Variants in NKAIN3 observed in about 807,000 individuals in gnomAD.
NKAIN3 encodes the protein sodium/potassium-transporting ATPase subunit beta-1-interacting protein 3.
Under a neutral mutation model 30.2 loss-of-function variants are expected in NKAIN3, and 25 were observed. That is an observed-to-expected ratio of 0.83 (90% CI 0.60 to 1.16). The LOEUF (loss-of-function observed/expected upper bound fraction) is 1.16. NKAIN3 is among the 50% of genes most tolerant of loss of function. The pLI is 0.00. For missense variants in NKAIN3, 225 were observed against 254.1 expected, an observed-to-expected ratio of 0.89 and a Z score of 0.78; for synonymous variants, 91 against 89.6, an observed-to-expected ratio of 1.02 and a Z score of -0.09.
intron 4 of NKAIN3, among the ~76,000 whole-genome samples, chr8:62,808,719 A>G (rs925541779): frequency 2.0e-5 from 3 of 152,170 alleles, no homozygotes; most frequent in African/African-American, 7.2e-5. Flanking sequence ...TCACAAGGCA[A>G]TAAAAAATAT....
At chr8:62,552,669 C>T (rs556829848) in intron 1 of NKAIN3, among the ~76,000 whole-genome samples, 2 of 152,286 alleles carry the variant, frequency 1.3e-5, no homozygotes, top group South Asian at 4.1e-4. Context: ...TGTACACTTT[C>T]AGTTGCCAGC....
chr8:62,613,899 G>C (rs1487807847), intron 3 of NKAIN3, among the ~76,000 whole-genome samples: 2 of 151,900 alleles, frequency 1.3e-5, no homozygotes, highest in African/African-American at 2.4e-5. Context: ...TAAATTTATT[G>C]ATAGAATTCT....
rs549392027 is a variant in NKAIN3 at position 62,804,339 on chromosome 8, C to A, written c.471+57210C>A. Among the ~76,000 whole-genome samples, 448 of 152,218 alleles carry A rather than the reference C, an allele frequency of 2.9e-3. 1 individual carries two copies. Among genetic ancestry groups the A allele is most frequent in the African/African-American group, 0.01 (426 of 41,542 alleles). On this transcript the variant is annotated intron_variant, in intron 4 of 6. Transcript: ENST00000623646. ...AGAGAATACCAAAGCCTGGCAGAGA[C>A]ACAACCAAAAAAGAGAATTTTAGAC... is the stretch of plus-strand genomic sequence containing the variant.
chr8:62,740,473 A>G (rs1450649052), intron 3 of NKAIN3, among the ~76,000 whole-genome samples: 1 of 152,156 alleles, frequency 6.6e-6, no homozygotes. Flanking sequence ...CAAAAAAATG[A>G]TTATTGTTAG....
At chr8:62,627,846 T>A (rs797011795) in intron 3 of NKAIN3, among the ~76,000 whole-genome samples, 28 of 152,212 alleles carry the variant, frequency 1.8e-4, no homozygotes, top group African/African-American at 6.0e-4. Flanking sequence ...TTCTACCCCT[T>A]ACTGGCCATG....
intron 1 of NKAIN3, among the ~76,000 whole-genome samples, chr8:62,527,117 G>A (rs548580438): frequency 6.6e-6 from 1 of 152,304 alleles, no homozygotes; most frequent in South Asian, 2.1e-4. Flanking sequence ...AGAGAGAGGA[G>A]CTCATGACAG....
chr8:62,795,481 C>T (rs754085486), intron 4 of NKAIN3, among the ~76,000 whole-genome samples: 13 of 152,092 alleles, frequency 8.5e-5, no homozygotes, highest in Admixed American at 7.2e-4. Flanking sequence ...CAAAAGGCAC[C>T]AACCCATCCT....
intron 5 of NKAIN3, chr8:62,991,144 G>C (rs1383513376): frequency 6.6e-6 from 1 of 152,372 alleles, no homozygotes; most frequent in East Asian, 1.9e-4. Context: ...CTGTGGTTGA[G>C]CCTAGTAAGT....
At chr8:62,515,088 CCTT>C (rs1412774575) in intron 1 of NKAIN3, among the ~76,000 whole-genome samples, 1 of 152,080 alleles carries the variant, frequency 6.6e-6, no homozygotes, top group Non-Finnish European at 1.5e-5. Context: ...AAGAATATCT[CCTT>C]GACTGTAATA....
intron 4 of NKAIN3, among the ~76,000 whole-genome samples, chr8:62,915,572 C>A (rs775589938): frequency 1.3e-5 from 2 of 152,136 alleles, no homozygotes; most frequent in Admixed American, 1.3e-4. Context: ...TTTTAAGTCA[C>A]TAAGTTTGCA....
At chr8:62,811,187 A>G (rs1818475363) in intron 4 of NKAIN3, among the ~76,000 whole-genome samples, 1 of 152,142 alleles carries the variant, frequency 6.6e-6, no homozygotes, top group Admixed American at 6.6e-5. Context: ...GTCTTGCAGC[A>G]TATATCAATC....
chr8:62,894,483 GTGTT>G (rs1455584586), intron 4 of NKAIN3, among the ~76,000 whole-genome samples: 1 of 151,996 alleles, frequency 6.6e-6, no homozygotes, highest in Non-Finnish European at 1.5e-5. Flanking sequence ...ATTATTATTT[GTGTT>G]TGTTTGTTGA....
intron 4 of NKAIN3, among the ~76,000 whole-genome samples, chr8:62,794,830 A>AG (rs201745541): frequency 1.3e-5 from 2 of 152,270 alleles, no homozygotes; most frequent in East Asian, 3.9e-4. Flanking sequence ...GAGATAGTGA[A>AG]GGGGGTGTAG....
At chr8:62,475,131 G>A (rs11985228) in intron 1 of NKAIN3, among the ~76,000 whole-genome samples, 54,393 of 151,752 alleles carry the variant, frequency 0.36, 10,511 homozygotes, top group South Asian at 0.45. Context: ...AGAACAGAAG[G>A]GATAAAAAAA....
At chr8:62,647,485 T>G (rs950505427) in intron 3 of NKAIN3, among the ~76,000 whole-genome samples, 2 of 152,104 alleles carry the variant, frequency 1.3e-5, no homozygotes, top group African/African-American at 4.8e-5. Context: ...TGAGAACAAA[T>G]CTACAGGTGC....
intron 4 of NKAIN3, among the ~76,000 whole-genome samples, chr8:62,902,163 G>T (rs183511512): frequency 3.9e-5 from 6 of 152,214 alleles, no homozygotes; most frequent in Admixed American, 2.6e-4. Flanking sequence ...TGGGTTATGT[G>T]GTTCTGTGGA....
intron 3 of NKAIN3, among the ~76,000 whole-genome samples, chr8:62,650,560 T>C (rs1444371542): frequency 3.3e-5 from 5 of 152,204 alleles, no homozygotes; most frequent in African/African-American, 1.2e-4. Flanking sequence ...GTACATTCTT[T>C]GAGGATGAGA....
intron 1 of NKAIN3, among the ~76,000 whole-genome samples, chr8:62,466,393 A>C (rs1806164923): frequency 6.6e-6 from 1 of 152,136 alleles, no homozygotes; most frequent in Non-Finnish European, 1.5e-5. Context: ...TTTCGTCTCT[A>C]AGATAGTAAT....
intron 3 of NKAIN3, among the ~76,000 whole-genome samples, chr8:62,706,672 A>G (rs1242101906): frequency 1.3e-5 from 2 of 151,938 alleles, no homozygotes; most frequent in Non-Finnish European, 2.9e-5. Flanking sequence ...TATTTTTAAT[A>G]TTTACTTATT....
Sources: allele counts gnomAD v4.1 joint callset (sites outside exome capture counted in the v4.1 genomes callset), GRCh38; gene constraint gnomAD v4.1.1; transcripts MANE v1.5; gene names NCBI Gene and HGNC (gene_info 2026-07-23, HGNC 2026-07-21).